The following ART3 variants were observed in gnomAD, a reference collection of about 807,000 sequenced individuals.
The protein encoded by ART3 is ADP-ribosyltransferase 3 (inactive).
Under a neutral mutation model 48.5 loss-of-function variants are expected in ART3, and 49 were observed. That is an observed-to-expected ratio of 1.01 (90% CI 0.80 to 1.28). ART3 has a LOEUF of 1.28. ART3 is among the 50% of genes most tolerant of loss of function. The pLI, the probability that ART3 is intolerant of heterozygous loss-of-function variation, is 0.00. For synonymous variants in ART3, 145 were observed against 157.2 expected, an observed-to-expected ratio of 0.92 and a Z score of 0.58; for missense variants, 438 against 454.3, an observed-to-expected ratio of 0.96 and a Z score of 0.33.
intron 3 of ART3, among the ~76,000 whole-genome samples, chr4:76,095,514 A>G (rs552454083): frequency 6.6e-6 from 1 of 152,298 alleles, no homozygotes; most frequent in Non-Finnish European, 1.5e-5. Flanking sequence ...TCTCAAAAAG[A>G]AAAAATAATA....
intron 3 of ART3, among the ~76,000 whole-genome samples, chr4:76,088,615 T>C (rs113724993): frequency 5.3e-5 from 8 of 152,164 alleles, no homozygotes; most frequent in African/African-American, 1.9e-4. Flanking sequence ...CACCTTTCTT[T>C]AGCATTTCCT....
intron 11 of ART3, 103 bp downstream of exon 11, chr4:76,107,896 T>TG (rs1381131117): frequency 3.2e-6 from 3 of 925,872 alleles, no homozygotes; most frequent in Non-Finnish European, 4.8e-6. Context: ...AGTTGCAAGG[T>TG]TTTAAGGCAT....
intron 1 of ART3, among the ~76,000 whole-genome samples, chr4:76,061,595 A>G (rs1719217943): frequency 6.6e-6 from 1 of 152,226 alleles, no homozygotes. Flanking sequence ...TCCAATTTCT[A>G]AGCATTACAC....
At chr4:76,064,489 T>C (rs1719521113) in intron 1 of ART3, among the ~76,000 whole-genome samples, 1 of 152,236 alleles carries the variant, frequency 6.6e-6, no homozygotes, top group Non-Finnish European at 1.5e-5. Context: ...TCCTAACTTG[T>C]GTCTTGTCTT....
In ART3 at chr4:76,089,168, C is replaced by G. The variant is rs1484810546; in HGVS notation, c.781+6633C>G. 3.3e-5 allele frequency among the ~76,000 whole-genome samples: 5 copies of G among 152,158 alleles called. No homozygotes were observed. The East Asian group carries it at 9.6e-4, about 29-fold the overall frequency. ...TTTTGGACATTCACAGCTTCTCAGA[C>G]CCTGGAATCAGATTGTGTACTATCT... On this transcript the variant is annotated intron_variant, in intron 3 of 11. Coordinates refer to ENST00000355810, the MANE Select transcript of ART3 (RefSeq NM_001130016.3).
At chr4:76,074,427 A>G (rs1239730404), upstream of ART3, among the ~76,000 whole-genome samples, 1 of 152,164 alleles carries the variant, frequency 6.6e-6, no homozygotes, top group Admixed American at 6.5e-5. Context: ...AGTAAAATCC[A>G]TGCTTTAGTT....
At chr4:76,069,391 T>TTTTTG (rs1720084470) in intron 1 of ART3, among the ~76,000 whole-genome samples, 2 of 145,570 alleles carry the variant, frequency 1.4e-5, no homozygotes, top group African/African-American at 5.1e-5. Flanking sequence ...AATTCCTTTT[T>TTTTTG]TTTTTTTTTT....
chr4:76,079,867 ATCTCTGTCTCTCTC>A lies in ART3; in HGVS notation c.70-1939_70-1926del, dbSNP rs1364420680. On this transcript the variant is annotated intron_variant, in intron 2 of 11. Coordinates refer to ENST00000355810, the MANE Select transcript of ART3 (RefSeq NM_001130016.3). ...TTTTGTTTTGCGTTTACAAGTTAGT[ATCTCTGTCTCTCTC>A]TCTCTGTCTCTCTCTCTTTCACTCT... Among the ~76,000 whole-genome samples the A allele has an allele frequency of 9.9e-5, 15 of 151,122 alleles. No homozygotes were observed. In the East Asian group the frequency reaches 1.6e-3, roughly 16 times the overall value.
chr4:76,104,499 C>G, intron 9 of ART3, 98 bp from the exon 10 acceptor site: 1 of 1,541,660 alleles, frequency 6.5e-7, no homozygotes, highest in Non-Finnish European at 8.8e-7. Flanking sequence ...GCATTGGGGC[C>G]TTGGGTGCTT....
intron 11 of ART3, among the ~76,000 whole-genome samples, chr4:76,108,108 A>G (rs978373066): frequency 1.3e-5 from 2 of 151,676 alleles, no homozygotes; most frequent in African/African-American, 2.4e-5. Context: ...AAAAAAGAAC[A>G]GTGGTTCTCA....
In ART3 at chr4:76,025,046, C is replaced by G. The variant is rs543181458; in HGVS notation, c.-10+13726C>G. On this transcript the variant is annotated intron_variant, in intron 1 of 9. Transcript: ENST00000341029. ...TTCTAGGAACTGGAATAGAGCTAAG[C>G]TTTCAAGTGAATAAGTCAGTGGAAT... Among the ~76,000 whole-genome samples, 39 of 152,220 alleles carry G rather than the reference C, an allele frequency of 2.6e-4. 1 individual carries two copies. The South Asian group carries it at 7.5e-3, about 29-fold the overall frequency.
At chr4:76,072,947 C>A (rs1047579823), upstream of ART3, among the ~76,000 whole-genome samples, 14 of 152,174 alleles carry the variant, frequency 9.2e-5, no homozygotes, top group African/African-American at 3.4e-4. Context: ...TCTTCCCTAA[C>A]AATCCAATTT....
intron 2 of ART3, among the ~76,000 whole-genome samples, chr4:76,078,632 C>A (rs140294631): frequency 1.4e-5 from 2 of 143,270 alleles, no homozygotes; most frequent in Admixed American, 1.4e-4. Context: ...ACAATTCCCT[C>A]GTTTGTAAAA....
chr4:76,065,406 A>G (rs1719630961), intron 1 of ART3, among the ~76,000 whole-genome samples: 1 of 152,122 alleles, frequency 6.6e-6, no homozygotes, highest in Non-Finnish European at 1.5e-5. Context: ...GTCCCTGGAG[A>G]AACCCACACA....
chr4:76,042,642 C>T (rs1281939602), intron 1 of ART3, among the ~76,000 whole-genome samples: 1 of 151,968 alleles, frequency 6.6e-6, no homozygotes, highest in African/African-American at 2.4e-5. Context: ...TTTGTTCCTT[C>T]TGATGTTCGG....
intron 1 of ART3, among the ~76,000 whole-genome samples, chr4:76,040,816 AG>A (rs1332310213): frequency 6.6e-6 from 1 of 152,092 alleles, no homozygotes; most frequent in Non-Finnish European, 1.5e-5. Flanking sequence ...CAGAGTAAGG[AG>A]AGGGATTGGT....
chr4:76,079,522 A>G (rs1721963231), intron 2 of ART3, among the ~76,000 whole-genome samples: 1 of 152,184 alleles, frequency 6.6e-6, no homozygotes, highest in African/African-American at 2.4e-5. Context: ...TTTAGATCAT[A>G]ATTGAAACTG....
intron 1 of ART3, 113 bp from the exon 2 acceptor site, chr4:76,075,768 A>G (rs1227258163): frequency 4.0e-6 from 3 of 759,336 alleles, no homozygotes; most frequent in Non-Finnish European, 6.4e-6. Context: ...CTTCCTGACC[A>G]TCATGCTATC....
chr4:76,013,759 C>G (rs1732014317), intron 1 of ART3, among the ~76,000 whole-genome samples: 1 of 152,190 alleles, frequency 6.6e-6, no homozygotes, highest in Admixed American at 6.5e-5. Flanking sequence ...ATTGGGCTAT[C>G]AGTATGTAGA....
Sources: gnomAD v4.1 joint callset for allele counts (sites outside exome capture counted in the v4.1 genomes callset) on GRCh38, gnomAD v4.1.1 for gene constraint, MANE v1.5 for transcripts, NCBI Gene and HGNC (gene_info 2026-07-23, HGNC 2026-07-21) for gene names.